Variants in VWA5B1 observed in about 807,000 individuals in gnomAD.
VWA5B1 encodes the protein von Willebrand factor A domain-containing protein 5B1.
In VWA5B1, 115 loss-of-function variants were observed where a neutral mutation model predicts 118.2. The observed-to-expected ratio is 0.97, with a 90% confidence interval of 0.84 to 1.14. The LOEUF (loss-of-function observed/expected upper bound fraction) is 1.14. VWA5B1 is among the 50% of genes most tolerant of loss of function. The pLI, the probability that VWA5B1 is intolerant of heterozygous loss-of-function variation, is 0.00. For synonymous variants in VWA5B1, 682 were observed against 658.4 expected, an observed-to-expected ratio of 1.04 and a Z score of -0.55; for missense variants, 1,596 against 1,603.8, an observed-to-expected ratio of 1.00 and a Z score of 0.08.
chr1:20,320,186 G>A (rs1479637106), intron 7 of VWA5B1, among the ~76,000 whole-genome samples: 2 of 152,188 alleles, frequency 1.3e-5, no homozygotes, highest in African/African-American at 2.4e-5. Flanking sequence ...CCCCTTTTTA[G>A]ATGAGAAAAC....
chr1:20,335,383 T>A (rs1043463913), intron 12 of VWA5B1, among the ~76,000 whole-genome samples: 14 of 152,178 alleles, frequency 9.2e-5, no homozygotes, highest in Non-Finnish European at 1.6e-4. Context: ...AAATTCAAGA[T>A]ACTGATAAGT....
chr1:20,359,385 C>T lies in VWA5B1; in HGVS notation c.*5122C>T, dbSNP rs2090283604. ...TGTCATGGAAGCCCTGGATGTCAGC[C>T]GTCTAATGTCCACTAATACTCAGCA... On this transcript the variant is annotated 3_prime_UTR_variant, in exon 22 of 22. Coordinates refer to ENST00000289815, the MANE Select transcript of VWA5B1 (RefSeq NM_001039500.3). Among the ~76,000 whole-genome samples, 2 of 152,034 alleles carry T rather than the reference C, an allele frequency of 1.3e-5. No individual in the cohort carries two copies. The highest frequency in any genetic ancestry group is 4.1e-4 in the South Asian group (2 of 4,822).
intron 11 of VWA5B1, among the ~76,000 whole-genome samples, 168 bp downstream of exon 11, chr1:20,331,151 G>C (rs1279141815): frequency 1.3e-5 from 2 of 152,174 alleles, no homozygotes; most frequent in Non-Finnish European, 2.9e-5. Flanking sequence ...CACAGAGCAG[G>C]CAACTCTTGA....
intron 17 of VWA5B1, among the ~76,000 whole-genome samples, chr1:20,346,540 T>C (rs999916147): frequency 6.6e-6 from 1 of 152,250 alleles, no homozygotes; most frequent in African/African-American, 2.4e-5. Context: ...AGAAGTAGGA[T>C]TGCAATGTCA....
At position 20,343,374 on chromosome 1, in the gene VWA5B1, C is replaced by A; in HGVS notation, c.2607C>A (p.Arg869=). Residue 869 remains arginine, a synonymous_variant, in exon 16 of 22, where the codon CGC becomes CGA. Transcript: ENST00000289815. The part of the protein sequence containing the change: ...IIRDFEQLAE[R]EGEIEQGSNR... ...GCGACTTCGAGCAGCTGGCGGAGCG[C>A]GAGGGCGAGATCGAGCAGGGTGAGC... The A allele has an allele frequency of 1.3e-6, 2 of 1,534,210 alleles. No homozygotes were observed. Among genetic ancestry groups the A allele is most frequent in the African/African-American group, 2.7e-5 (2 of 72,990 alleles).
At chr1:20,330,145 T>C (rs868184896) in intron 9 of VWA5B1, 35 bp from the exon 10 acceptor site, 2 of 1,550,746 alleles carry the variant, frequency 1.3e-6, no homozygotes, top group Middle Eastern at 3.3e-4. Context: ...CTCTGTACCA[T>C]ACGGTGACAC....
intron 9 of VWA5B1, 60 bp downstream of exon 9, chr1:20,328,060 G>T (rs1233958674): frequency 1.3e-6 from 2 of 1,482,230 alleles, no homozygotes; most frequent in Non-Finnish European, 1.8e-6. Context: ...CAGAGGAAAG[G>T]AGGGAAAGGG....
rs60497976 is a variant in VWA5B1, at chr1:20,297,996, ATTTTTTTT to A, written c.-27+6923_-27+6930del. On this transcript the variant is annotated intron_variant, in intron 1 of 21. Coordinates refer to ENST00000289815, the MANE Select transcript of VWA5B1 (RefSeq NM_001039500.3). ...GATTACTTTCATGACTCGGTGGTGG[ATTTTTTTT>A]TTTTTTTTTTTTTTGTTTGTTCAGG... Among the ~76,000 whole-genome samples the A allele has an allele frequency of 3.6e-4, 46 of 126,678 alleles. No individual in the cohort carries two copies. In the East Asian group the frequency reaches 4.9e-3, roughly 14 times the overall value. The allele number at this position is 126,678 out of a possible 152,430, so 83.1% of individuals were successfully genotyped here.
intron 20 of VWA5B1, 128 bp downstream of exon 20, chr1:20,351,054 A>C (rs1408315861): frequency 1.8e-5 from 15 of 849,048 alleles, no homozygotes; most frequent in Non-Finnish European, 2.8e-5. Context: ...TGTCGTAAAG[A>C]AGGCACTCCT....
chr1:20,334,225 T>C (rs1357772446), intron 12 of VWA5B1, among the ~76,000 whole-genome samples: 1 of 152,198 alleles, frequency 6.6e-6, no homozygotes, highest in African/African-American at 2.4e-5. Context: ...TAATGGTTAA[T>C]GTGTTATGGA....
At chr1:20,296,578 T>C (rs892225150) in intron 1 of VWA5B1, among the ~76,000 whole-genome samples, 11 of 152,236 alleles carry the variant, frequency 7.2e-5, no homozygotes, top group Non-Finnish European at 1.2e-4. Context: ...AAATGTCATA[T>C]CATGCTAGCA....
chr1:20,337,976 C>T, intron 14 of VWA5B1, 140 bp downstream of exon 14: 1 of 1,061,760 alleles, frequency 9.4e-7, no homozygotes, highest in Non-Finnish European at 1.4e-6. Context: ...CTTCCCTAGG[C>T]CTTCATCTGC....
intron 13 of VWA5B1, among the ~76,000 whole-genome samples, chr1:20,337,332 A>T (rs2003651): frequency 0.27 from 41,707 of 151,776 alleles, 5,988 homozygotes; most frequent in East Asian, 0.4. Flanking sequence ...TTCGCCATGT[A>T]GCCCAGGCTG....
chr1:20,332,841 A>C lies in VWA5B1; in HGVS notation c.1648A>C (p.Thr550Pro). The C allele has an allele frequency of 6.4e-7, 1 of 1,551,810 alleles. No individual in the cohort carries two copies. Among genetic ancestry groups the C allele is most frequent in the Non-Finnish European group, 8.7e-7 (1 of 1,147,018 alleles). Reference protein sequence around the residue: ...VTVEWIFPETTEVLVSPVSAS... With the variant: ...VTVEWIFPETPEVLVSPVSAS... ...TGTGGAGTGGATCTTCCCTGAGACC[A>C]CTGAGGTCCTGGTCTCACCCGTCAG... Residue 550 changes from threonine (T) to proline (P), a missense_variant, in exon 12 of 22, where the codon ACT (threonine) becomes CCT (proline). By Grantham distance (38) the Thr-to-Pro change is conservative. Coordinates refer to ENST00000289815, the MANE Select transcript of VWA5B1 (RefSeq NM_001039500.3).
In VWA5B1 at chr1:20,342,425, T is replaced by A; in HGVS notation, c.2134-7T>A. The A allele has an allele frequency of 6.5e-7, 1 of 1,550,258 alleles. No individual in the cohort carries two copies. Among genetic ancestry groups the A allele is most frequent in the African/African-American group, 1.4e-5 (1 of 73,050 alleles). ...TCCTCTTTCTCTTTCTCCTCTTCCA[T>A]CCCTAGCCCTTGCTGAACAGTGGTC... On this transcript the variant is annotated splice_polypyrimidine_tract_variant and splice_region_variant and intron_variant, in intron 14 of 21. Transcript: ENST00000289815.
At position 20,354,346 on chromosome 1, in the gene VWA5B1, T is replaced by C; in HGVS notation, c.*83T>C. 6.9e-7 allele frequency: 1 copy of C among 1,441,806 alleles called. No homozygotes were observed. Among genetic ancestry groups the C allele is most frequent in the South Asian group, 1.4e-5 (1 of 69,806 alleles). The allele number at this position is 1,441,806 out of a possible 1,614,324, so 89.3% of individuals were successfully genotyped here. On this transcript the variant is annotated 3_prime_UTR_variant, in exon 22 of 22. Transcript: ENST00000289815. ...CCATGTCGGCCTGGTTTCGGGGAGC[T>C]TTTGGAGCTGTAACTAATATTTCAG...
intron 14 of VWA5B1, among the ~76,000 whole-genome samples, chr1:20,342,129 CAAAA>C (rs60635945): frequency 6.5e-5 from 9 of 139,170 alleles, no homozygotes; most frequent in African/African-American, 1.6e-4. Context: ...AACTTTATGG[CAAAA>C]AAAAAAAAAA....
chr1:20,303,505 C>A (rs2088557585), intron 1 of VWA5B1, among the ~76,000 whole-genome samples: 1 of 152,154 alleles, frequency 6.6e-6, no homozygotes, highest in Admixed American at 6.5e-5. Flanking sequence ...CCCATGGGAC[C>A]TTCCCAGCTC....
chr1:20,342,130 A>AG (rs2089890359), intron 14 of VWA5B1, among the ~76,000 whole-genome samples: 1 of 34,848 alleles, frequency 2.9e-5, no homozygotes, highest in Admixed American at 3.8e-4. Context: ...ACTTTATGGC[A>AG]AAAAAAAAAA....
Sources: allele counts gnomAD v4.1 joint callset (sites outside exome capture counted in the v4.1 genomes callset), GRCh38; gene constraint gnomAD v4.1.1; transcripts MANE v1.5; gene names NCBI Gene and HGNC (gene_info 2026-07-23, HGNC 2026-07-21).